The following RAB27A variants were observed in gnomAD, a reference collection of about 807,000 sequenced individuals.
RAB27A encodes the protein RAB27A, member RAS oncogene family, also known as ras-related protein Rab-27A.
In RAB27A, 17 loss-of-function variants were observed where a neutral mutation model predicts 20.8. The observed-to-expected ratio is 0.82, with a 90% CI of 0.56 to 1.23. The LOEUF (loss-of-function observed/expected upper bound fraction) is 1.23. RAB27A is among the 50% of genes most tolerant of loss of function. The pLI, the probability that RAB27A is intolerant of heterozygous loss-of-function variation, is 0.00. For missense variants in RAB27A, 277 were observed against 266.7 expected (o/e 1.04, Z -0.27); for synonymous variants, 85 against 92.8 (o/e 0.92, Z 0.48).
At position 55,271,668 on chromosome 15, in the gene RAB27A, G is replaced by A. The variant is rs570525055; in HGVS notation, c.-142-1384C>T. On this transcript the variant is annotated intron_variant, in intron 1 of 6. Coordinates refer to ENST00000336787, the MANE Select transcript of RAB27A (RefSeq NM_183235.3). The stretch of plus-strand genomic sequence containing the variant: ...GCTTTGTGACAATCTTGAAGACAGG[G>A]GTTGTATCTTGTTTTTTGTTCATTC... Among the ~76,000 whole-genome samples the A allele has an allele frequency of 2.4e-4, 36 of 152,276 alleles. No homozygotes were observed. The South Asian group carries it at 3.7e-3, about 16-fold the overall frequency.
chr15:55,237,507 C>T (rs1313283391), intron 2 of RAB27A: 1 of 152,158 alleles, frequency 6.6e-6, no homozygotes, highest in South Asian at 2.1e-4. Context: ...GATGCCTTAC[C>T]TGTCTTTATA....
chr15:55,233,877 T>C (rs1896145878), intron 3 of RAB27A, among the ~76,000 whole-genome samples: 1 of 152,212 alleles, frequency 6.6e-6, no homozygotes, highest in African/African-American at 2.4e-5. Context: ...CACATACATA[T>C]ATGTAGATTC....
intron 2 of RAB27A, among the ~76,000 whole-genome samples, chr15:55,297,275 C>T (rs1301160984): frequency 2.6e-5 from 4 of 152,222 alleles, no homozygotes; most frequent in Non-Finnish European, 5.9e-5. Context: ...CAAAGAAATA[C>T]GTGCATGTGT....
chr15:55,302,726 G>A (rs1205905573), intron 2 of RAB27A, among the ~76,000 whole-genome samples: 2 of 112,154 alleles, frequency 1.8e-5, no homozygotes, highest in Non-Finnish European at 3.4e-5. Flanking sequence ...CTGCCCCGCC[G>A]CCCCATCTGG....
chr15:55,315,625 T>G (rs1186233541), intron 1 of RAB27A, among the ~76,000 whole-genome samples: 1 of 152,156 alleles, frequency 6.6e-6, no homozygotes, highest in Non-Finnish European at 1.5e-5. Flanking sequence ...AAAGAAGACA[T>G]TTACGCAGCC....
intron 2 of RAB27A, among the ~76,000 whole-genome samples, chr15:55,306,769 T>C (rs1044227305): frequency 2.0e-5 from 3 of 152,242 alleles, no homozygotes; most frequent in Non-Finnish European, 4.4e-5. Flanking sequence ...GCATTCTCCA[T>C]AGAAACGCTT....
At position 55,205,562 on chromosome 15, in the gene RAB27A, T is replaced by G; in HGVS notation, c.611A>C (p.His204Pro). 1 of 1,614,224 alleles carries G rather than the reference T, an allele frequency of 6.2e-7. No homozygotes were observed. The highest frequency in any genetic ancestry group is 8.5e-7 in the Non-Finnish European group (1 of 1,180,048). Residue 204 changes from histidine to proline, a missense_variant, in exon 7 of 7, where the codon CAT (histidine) becomes CCT (proline). Transcript: ENST00000336787. The stretch of plus-strand genomic sequence containing the variant: ...TTCACTTAACTGATCCGTAGAGGCA[T>G]GACCATTTGATCGCACCACTCCTTC... ...IPEGVVRSNGHASTDQLSEEK... is the reference protein window; with the variant it reads ...IPEGVVRSNGPASTDQLSEEK...
chr15:55,216,361 T>C (rs12439264), intron 6 of RAB27A, among the ~76,000 whole-genome samples: 18,647 of 151,998 alleles, frequency 0.12, 1,434 homozygotes, highest in Admixed American at 0.2. Flanking sequence ...GGTGAAACCC[T>C]GTCTCTACTA....
chr15:55,224,721 T>C (rs1895727812), intron 5 of RAB27A, among the ~76,000 whole-genome samples: 1 of 152,226 alleles, frequency 6.6e-6, no homozygotes. Flanking sequence ...CTAAATAGTT[T>C]AATCTTTCAA....
chr15:55,295,885 T>A lies in RAB27A; in HGVS notation c.-112+18154A>T, dbSNP rs538434995. Among the ~76,000 whole-genome samples, 53 of 151,290 alleles carry A rather than the reference T, an allele frequency of 3.5e-4. No homozygotes were observed. In the East Asian group the frequency reaches 6.3e-3, roughly 18 times the overall value. On this transcript the variant is annotated intron_variant, in intron 2 of 5. Coordinates refer to the RAB27A transcript ENST00000563262. Reference sequence around the variant, plus strand: ...AGATTTTGCTTCAATTTTTTTTTTTTAAAAGAACCAATACTTTTTTTTTTT... The same window carrying A: ...AGATTTTGCTTCAATTTTTTTTTTTAAAAAGAACCAATACTTTTTTTTTTT...
At chr15:55,242,476 T>C (rs1278048809) in intron 2 of RAB27A, among the ~76,000 whole-genome samples, 1 of 152,184 alleles carries the variant, frequency 6.6e-6, no homozygotes, top group Non-Finnish European at 1.5e-5. Context: ...AAGGACTAAG[T>C]GAGATAACCC....
At chr15:55,268,049 G>A (rs1006482814) in intron 2 of RAB27A, among the ~76,000 whole-genome samples, 13 of 152,188 alleles carry the variant, frequency 8.5e-5, no homozygotes, top group African/African-American at 3.1e-4. Flanking sequence ...GAGACAGAGA[G>A]AGCAGCCAAG....
intron 6 of RAB27A, among the ~76,000 whole-genome samples, chr15:55,212,945 T>C (rs1013207933): frequency 6.6e-6 from 1 of 152,234 alleles, no homozygotes; most frequent in Non-Finnish European, 1.5e-5. Context: ...TCACATAATC[T>C]TGAGAAATCA....
chr15:55,309,971 A>G (rs752911711), intron 2 of RAB27A, among the ~76,000 whole-genome samples: 1 of 151,980 alleles, frequency 6.6e-6, no homozygotes, highest in Non-Finnish European at 1.5e-5. Context: ...TTTAACTCGA[A>G]CAGGACGGGC....
At chr15:55,305,062 C>A (rs1595756307) in intron 2 of RAB27A, among the ~76,000 whole-genome samples, 2 of 152,286 alleles carry the variant, frequency 1.3e-5, no homozygotes, top group African/African-American at 4.8e-5. Context: ...GCCTAATTAG[C>A]ATTTTAGTGA....
intron 2 of RAB27A, 119 bp from the exon 3 acceptor site, chr15:55,235,075 TGTATG>T: frequency 3.7e-6 from 3 of 820,150 alleles, no homozygotes; most frequent in Non-Finnish European, 5.8e-6. Context: ...GTCTACGGGT[TGTATG>T]AAAAGAGAGT....
intron 2 of RAB27A, among the ~76,000 whole-genome samples, chr15:55,307,648 G>A (rs568012273): frequency 6.6e-6 from 1 of 151,530 alleles, no homozygotes; most frequent in Non-Finnish European, 1.5e-5. Flanking sequence ...TGTCCTACAG[G>A]GGAAGGCCTC....
intron 6 of RAB27A, among the ~76,000 whole-genome samples, chr15:55,212,728 A>G (rs963264150): frequency 6.6e-6 from 1 of 152,010 alleles, no homozygotes; most frequent in African/African-American, 2.4e-5. Context: ...ACGGTGTTTC[A>G]CCATGTTAGA....
intron 2 of RAB27A, among the ~76,000 whole-genome samples, chr15:55,241,624 A>ATATATATGTG (rs377301086): frequency 1.7e-5 from 2 of 117,668 alleles, no homozygotes; most frequent in African/African-American, 8.7e-5. Context: ...ATATATATAT[A>ATATATATGTG]TGTGTGTATA....
Sources: gnomAD v4.1 joint callset for allele counts (sites outside exome capture counted in the v4.1 genomes callset) on GRCh38, gnomAD v4.1.1 for gene constraint, MANE v1.5 for transcripts, NCBI Gene and HGNC (gene_info 2026-07-23, HGNC 2026-07-21) for gene names.